Variants in PTPRM observed in about 807,000 individuals in gnomAD.
PTPRM encodes the protein protein tyrosine phosphatase receptor type M, also known as receptor-type tyrosine-protein phosphatase mu.
In PTPRM, 47 loss-of-function variants were observed where a neutral mutation model predicts 186.7. The observed-to-expected ratio is 0.25, with a 90% CI of 0.20 to 0.32. The LOEUF (loss-of-function observed/expected upper bound fraction) is 0.32, where lower values mean the gene tolerates loss of function less well. PTPRM is among the 10% of genes least tolerant of loss of function. The pLI is 1.00. For missense variants in PTPRM, 1,494 were observed against 1,865.0 expected (o/e 0.80, Z 3.66); for synonymous variants, 668 against 674.9 (o/e 0.99, Z 0.16).
Position 8,245,909 on chromosome 18 carries a change from G to A in PTPRM, c.2452+1700G>A, listed in dbSNP as rs118177701. On this transcript the variant is annotated intron_variant, in intron 15 of 32. Transcript: ENST00000580170. ...GGCAGTTACTTTTTTGAAAGTGAAT[G>A]TATCTGTGGAAATCCAAAAATGTTC... 1.1e-3 allele frequency among the ~76,000 whole-genome samples: 173 copies of A among 152,314 alleles called. 3 individuals carry two copies. The East Asian group carries it at 0.028, about 25-fold the overall frequency.
At chr18:7,866,452 G>T (rs1158929645) in intron 2 of PTPRM, among the ~76,000 whole-genome samples, 1 of 152,186 alleles carries the variant, frequency 6.6e-6, no homozygotes, top group Non-Finnish European at 1.5e-5. Context: ...TTACCCAGTA[G>T]CCATTCAGGC....
chr18:7,816,627 T>C (rs1181458484), intron 2 of PTPRM, among the ~76,000 whole-genome samples: 1 of 152,214 alleles, frequency 6.6e-6, no homozygotes, highest in Non-Finnish European at 1.5e-5. Flanking sequence ...CATTCCTTTT[T>C]CTTGGAGTCA....
intron 26 of PTPRM, chr18:8,376,818 A>G (rs2095698997): frequency 1.8e-6 from 1 of 549,464 alleles, no homozygotes; most frequent in South Asian, 3.0e-5. Context: ...AACAGAATCA[A>G]GAGCCCAAAT....
At chr18:8,016,412 C>T (rs986578913) in intron 7 of PTPRM, among the ~76,000 whole-genome samples, 1 of 151,336 alleles carries the variant, frequency 6.6e-6, no homozygotes, top group Non-Finnish European at 1.5e-5. Context: ...CCCAGCTACT[C>T]GGGAGACCGA....
At chr18:8,019,200 G>T (rs73385619) in intron 7 of PTPRM, among the ~76,000 whole-genome samples, 4,224 of 152,294 alleles carry the variant, frequency 0.028, 116 homozygotes, top group African/African-American at 0.07. Flanking sequence ...GGAGGAAGGG[G>T]TGGCTTTGGG....
intron 22 of PTPRM, among the ~76,000 whole-genome samples, chr18:8,335,151 A>G (rs2095431680): frequency 6.6e-6 from 1 of 152,214 alleles, no homozygotes. Flanking sequence ...AGAATTTTAC[A>G]TTTCCTACAA....
intron 5 of PTPRM, among the ~76,000 whole-genome samples, chr18:7,940,005 C>G (rs1331146483): frequency 6.6e-6 from 1 of 152,096 alleles, no homozygotes; most frequent in Non-Finnish European, 1.5e-5. Context: ...AACACACTGA[C>G]CTCTCCAGGT....
chr18:8,344,677 A>T (rs1286769445), intron 23 of PTPRM, among the ~76,000 whole-genome samples: 1 of 151,434 alleles, frequency 6.6e-6, no homozygotes, highest in Non-Finnish European at 1.5e-5. Context: ...GATCCTAGGG[A>T]GTGTAGCGCT....
intron 13 of PTPRM, among the ~76,000 whole-genome samples, chr18:8,116,229 T>C (rs2145745267): frequency 6.6e-6 from 1 of 152,316 alleles, no homozygotes; most frequent in South Asian, 2.1e-4. Context: ...TGTATTACAT[T>C]TCACTTACAC....
chr18:7,832,467 T>C (rs965286158), intron 2 of PTPRM, among the ~76,000 whole-genome samples: 1 of 151,578 alleles, frequency 6.6e-6, no homozygotes, highest in Admixed American at 6.6e-5. Flanking sequence ...ATTTTACTTA[T>C]TAGATATTTT....
In PTPRM at chr18:7,716,143, G is replaced by A. The variant is rs139440453; in HGVS notation, c.74-58006G>A. ...AGTCTACAGTAACCAAAACAGCATG[G>A]TTCTGGTACCAAAACAGATATATAG... On this transcript the variant is annotated intron_variant, in intron 1 of 32. Coordinates refer to ENST00000580170, the MANE Select transcript of PTPRM (RefSeq NM_001105244.2). Among the ~76,000 whole-genome samples, 558 of 152,204 alleles carry A rather than the reference G, an allele frequency of 3.7e-3. 6 individuals are homozygous for A. The highest frequency in any genetic ancestry group is 0.013 in the African/African-American group (544 of 41,506).
chr18:7,710,675 TTGATAAAC>T (rs1481161205), intron 1 of PTPRM, among the ~76,000 whole-genome samples: 2 of 152,190 alleles, frequency 1.3e-5, no homozygotes, highest in Non-Finnish European at 2.9e-5. Context: ...ACTCCTTGAT[TTGATAAAC>T]AAATTCAGTA....
intron 7 of PTPRM, among the ~76,000 whole-genome samples, chr18:7,972,480 A>AAT: frequency 2.4e-4 from 1 of 4,204 alleles, no homozygotes; most frequent in African/African-American, 3.1e-4. Flanking sequence ...AAAAAACATT[A>AAT]AAAAAAAAAA....
intron 1 of PTPRM, among the ~76,000 whole-genome samples, chr18:7,716,676 G>A (rs2040339716): frequency 6.6e-6 from 1 of 152,138 alleles, no homozygotes; most frequent in African/African-American, 2.4e-5. Flanking sequence ...AAAAAGATTT[G>A]AACAGACACT....
At chr18:8,023,356 T>G (rs1053712450) in intron 7 of PTPRM, among the ~76,000 whole-genome samples, 2 of 152,038 alleles carry the variant, frequency 1.3e-5, no homozygotes, top group Admixed American at 1.3e-4. Context: ...TTCTCAGGAG[T>G]AGGGATTGCT....
rs186020013 is a variant in PTPRM, at chr18:8,289,490, A to G, written c.2755-6878A>G. 5.8e-4 allele frequency among the ~76,000 whole-genome samples: 81 copies of G among 140,366 alleles called. 3 individuals carry two copies. In the East Asian group the frequency reaches 0.016, roughly 27 times the overall value. 92.1% of individuals were successfully genotyped at this position (140,366 alleles called of 152,430 possible). A position where few individuals can be genotyped will look rare whatever the true frequency, so the allele number is the denominator to read the frequency against. ...TATACACACATATGTATATATATAC[A>G]TATATGTATATATGTGTGTGTATGT... On this transcript the variant is annotated intron_variant, in intron 19 of 32. Transcript: ENST00000580170.
chr18:7,770,229 C>T (rs1222310100), intron 1 of PTPRM, among the ~76,000 whole-genome samples: 1 of 152,124 alleles, frequency 6.6e-6, no homozygotes, highest in Non-Finnish European at 1.5e-5. Flanking sequence ...TTTCAGGGGA[C>T]TTTGCCTCCT....
intron 13 of PTPRM, among the ~76,000 whole-genome samples, chr18:8,143,040 C>T (rs1040686601): frequency 6.6e-5 from 10 of 152,086 alleles, no homozygotes; most frequent in Admixed American, 1.3e-4. Flanking sequence ...GATCATCAGC[C>T]GCTTCCACTT....
At chr18:7,870,027 C>T (rs1310282577) in intron 2 of PTPRM, among the ~76,000 whole-genome samples, 13 of 152,152 alleles carry the variant, frequency 8.5e-5, no homozygotes, top group Admixed American at 8.5e-4. Context: ...TGAAATTGCA[C>T]AGTGGCATGG....
Sources: allele counts gnomAD v4.1 joint callset (sites outside exome capture counted in the v4.1 genomes callset), GRCh38; gene constraint gnomAD v4.1.1; transcripts MANE v1.5; gene names NCBI Gene and HGNC (gene_info 2026-07-23, HGNC 2026-07-21).